GSAP: variants seen among roughly 807,000 people sequenced by gnomAD.
GSAP encodes the protein gamma-secretase-activating protein.
GSAP carries 118 observed loss-of-function variants against 131.7 expected under a neutral mutation model. The observed-to-expected ratio is 0.90, with a 90% confidence interval of 0.77 to 1.04. GSAP has a LOEUF of 1.04. GSAP is among the 50% of genes least tolerant of loss of function. The probability of loss-of-function intolerance (pLI) is 0.00; values close to 1 mark genes in which losing one functional copy is unlikely to be tolerated. For synonymous variants in GSAP, 381 were observed against 363.4 expected (o/e 1.05, Z -0.55); for missense variants, 1,019 against 1,013.2 (o/e 1.01, Z -0.08).
At chr7:77,386,476 T>A (rs968756056) in intron 6 of GSAP, among the ~76,000 whole-genome samples, 1 of 152,236 alleles carries the variant, frequency 6.6e-6, no homozygotes, top group African/African-American at 2.4e-5. Flanking sequence ...AGTCACAGCA[T>A]GTTTGTCAAC....
intron 18 of GSAP, 25 bp from the exon 19 acceptor site, chr7:77,349,429 C>G (rs755255274): frequency 1.2e-6 from 2 of 1,600,432 alleles, no homozygotes; most frequent in Non-Finnish European, 1.7e-6. Context: ...AACACACACA[C>G]ACAGCTGCTC....
chr7:77,364,808 G>A (rs753086250), intron 12 of GSAP, among the ~76,000 whole-genome samples: 21 of 152,178 alleles, frequency 1.4e-4, no homozygotes, highest in Non-Finnish European at 1.5e-4. Context: ...GGGAAAAAAA[G>A]ACACAGCAAG....
At chr7:77,375,813 C>G (rs1012716351) in intron 10 of GSAP, among the ~76,000 whole-genome samples, 1 of 150,282 alleles carries the variant, frequency 6.7e-6, no homozygotes, top group African/African-American at 2.5e-5. Flanking sequence ...CACTGCACTC[C>G]AGCCAGGGCA....
rs921067973 is a variant in GSAP at position 77,330,287 on chromosome 7, A to C, written c.1626T>G (p.Tyr542Ter). 3.7e-6 allele frequency: 6 copies of C among 1,613,774 alleles called. No homozygotes were observed. The Admixed American group carries it at 5.0e-5, about 13-fold the overall frequency. The change falls in exon 20 of 31, where the codon TAT becomes TAG. Residue 542 changes from tyrosine (Y) to a stop codon, truncating the protein, a stop_gained. Transcript: ENST00000257626. LOFTEE classifies it high-confidence loss of function. ...YVKYAKPHFH[Y>*]NNSVVRREWH... The stretch of plus-strand genomic sequence containing the variant: ...ACTCTCTCCTGACCACACTGTTGTT[A>C]TAGTGGAAGTGTGGCTTGGCGTACT...
intron 22 of GSAP, 89 bp downstream of exon 22, chr7:77,328,517 T>C: frequency 1.3e-6 from 2 of 1,539,142 alleles, no homozygotes; most frequent in Non-Finnish European, 1.7e-6. Context: ...GAAGTGATTC[T>C]CTTGCCAACC....
At chr7:77,363,906 AAAC>A (rs1794893635) in intron 12 of GSAP, among the ~76,000 whole-genome samples, 1 of 152,170 alleles carries the variant, frequency 6.6e-6, no homozygotes, top group Non-Finnish European at 1.5e-5. Context: ...ACTAAAGTAT[AAAC>A]AAAATAATAA....
chr7:77,365,974 C>A (rs1404666263), intron 12 of GSAP, among the ~76,000 whole-genome samples: 2 of 146,752 alleles, frequency 1.4e-5, no homozygotes, highest in Non-Finnish European at 3.0e-5. Flanking sequence ...TCATTGTAAC[C>A]TCTATCTGCA....
chr7:77,359,366 C>T lies in GSAP; in HGVS notation c.1027+1458G>A, dbSNP rs757480716. On this transcript the variant is annotated intron_variant, in intron 14 of 30. Transcript: ENST00000257626. ...AGGGAGCAAGATAACAAGTAAAATA[C>T]TTAACATACACTATTCATTAAATAA... Among the ~76,000 whole-genome samples the T allele has an allele frequency of 2.0e-5, 3 of 152,196 alleles. No homozygotes were observed. The South Asian group carries it at 6.2e-4, about 32-fold the overall frequency.
In GSAP at chr7:77,409,396, A is replaced by C. The variant is rs566373427; in HGVS notation, c.110-3291T>G. Among the ~76,000 whole-genome samples, 191 of 152,330 alleles carry C rather than the reference A, an allele frequency of 1.3e-3. 1 individual carries two copies. Among genetic ancestry groups the C allele is most frequent in the South Asian group, 0.011 (54 of 4,830 alleles). Reference sequence around the variant, plus strand: ...CATTTCTATCTCATCTGCATTGTATAAGGTATTCCAGGCCTACTATACTTT... The same window carrying C: ...CATTTCTATCTCATCTGCATTGTATCAGGTATTCCAGGCCTACTATACTTT... On this transcript the variant is annotated intron_variant, in intron 1 of 30. Transcript: ENST00000257626.
intron 19 of GSAP, among the ~76,000 whole-genome samples, chr7:77,331,360 G>A (rs1256652486): frequency 6.6e-6 from 1 of 152,136 alleles, no homozygotes; most frequent in East Asian, 1.9e-4. Flanking sequence ...GACACAACTT[G>A]GTTTTAAACC....
chr7:77,382,899 C>T (rs182578058), intron 6 of GSAP, among the ~76,000 whole-genome samples: 1 of 152,206 alleles, frequency 6.6e-6, no homozygotes, highest in East Asian at 1.9e-4. Context: ...AACAGTAAGG[C>T]TTCTGGCTGG....
At chr7:77,328,322 C>T in intron 22 of GSAP, 3 of 1,177,496 alleles carry the variant, frequency 2.5e-6, no homozygotes, top group Non-Finnish European at 3.1e-6. Flanking sequence ...GTGGGCACAG[C>T]CAGAGGGCAG....
chr7:77,311,226 C>T lies in GSAP; in HGVS notation c.*132G>A, dbSNP rs972127539. The T allele has an allele frequency of 9.3e-6, 6 of 644,146 alleles. No homozygotes were observed. The highest frequency in any genetic ancestry group is 1.4e-5 in the Non-Finnish European group (5 of 362,392). The allele number at this position is 644,146 out of a possible 1,614,324, so 39.9% of individuals were successfully genotyped here. Reference sequence around the variant, plus strand: ...TGTCTGAACGTGTACCAACCTGAAACTCACATGGCTAAACAATTATGGCTA... The same window carrying T: ...TGTCTGAACGTGTACCAACCTGAAATTCACATGGCTAAACAATTATGGCTA... On this transcript the variant is annotated 3_prime_UTR_variant, in exon 31 of 31. Transcript: ENST00000257626.
intron 19 of GSAP, chr7:77,330,836 C>T (rs1789029761): frequency 1.0e-6 from 1 of 982,940 alleles, no homozygotes; most frequent in Non-Finnish European, 1.2e-6. Flanking sequence ...CTGCCCAGGA[C>T]ATTTTTCAAA....
At chr7:77,379,454 C>T (rs1284227962) in intron 8 of GSAP, among the ~76,000 whole-genome samples, 1 of 151,892 alleles carries the variant, frequency 6.6e-6, no homozygotes, top group African/African-American at 2.4e-5. Flanking sequence ...GGCAGAAGTA[C>T]TTCTTGGAAG....
chr7:77,312,672 G>A (rs1794529336), intron 28 of GSAP, among the ~76,000 whole-genome samples: 4 of 152,194 alleles, frequency 2.6e-5, no homozygotes, highest in Admixed American at 2.0e-4. Flanking sequence ...TGGAAAATAT[G>A]CTTTGTTTTC....
At chr7:77,329,879 TCTCC>T (rs1788841161) in intron 20 of GSAP, 1 of 171,314 alleles carries the variant, frequency 5.8e-6, no homozygotes, top group Non-Finnish European at 1.2e-5. Context: ...CGTCCACTAT[TCTCC>T]CTCCAACTAC....
chr7:77,414,015 T>C (rs887155219), intron 1 of GSAP, among the ~76,000 whole-genome samples: 2 of 152,212 alleles, frequency 1.3e-5, no homozygotes, highest in African/African-American at 4.8e-5. Flanking sequence ...AAATCTGTTC[T>C]CCTTCCTCCT....
chr7:77,367,779 C>T (rs1795533943), intron 12 of GSAP, among the ~76,000 whole-genome samples: 1 of 152,170 alleles, frequency 6.6e-6, no homozygotes, highest in African/African-American at 2.4e-5. Flanking sequence ...AGGAATGGTA[C>T]CAGCTTTTCT....
Sources: allele counts gnomAD v4.1 joint callset (sites outside exome capture counted in the v4.1 genomes callset), GRCh38; gene constraint gnomAD v4.1.1; transcripts MANE v1.5; gene names NCBI Gene and HGNC (gene_info 2026-07-23, HGNC 2026-07-21).